UQCRC2: variants seen among roughly 807,000 people sequenced by gnomAD.
The protein encoded by UQCRC2 is ubiquinol-cytochrome c reductase core protein 2.
In UQCRC2, 49 loss-of-function variants were observed where a neutral mutation model predicts 55.6. The ratio of observed to expected loss-of-function variants is 0.88; its 90% CI spans 0.70 to 1.12. The LOEUF is 1.12. Ranked by LOEUF, UQCRC2 falls within the 50% of genes most tolerant of loss-of-function variation. The pLI is 0.00. For missense variants in UQCRC2, 506 were observed against 547.8 expected (o/e 0.92, Z 0.76); for synonymous variants, 193 against 192.0 (o/e 1.01, Z -0.04).
intron 7 of UQCRC2, among the ~76,000 whole-genome samples, chr16:21,967,511 A>G (rs1192281165): frequency 2.0e-5 from 3 of 151,972 alleles, no homozygotes; most frequent in Non-Finnish European, 4.4e-5. Context: ...TTGAAAGTAC[A>G]TGTTTTAGCC....
rs1368644442 is a variant in UQCRC2, at chr16:21,983,464, C to G, written c.*293C>G. 2.6e-6 allele frequency: 1 copy of G among 385,390 alleles called. No individual in the cohort carries two copies. The highest frequency in any genetic ancestry group is 2.1e-5 in the African/African-American group (1 of 48,276). 23.9% of individuals were successfully genotyped at this position (385,390 alleles called of 1,614,324 possible). On this transcript the variant is annotated 3_prime_UTR_variant, in exon 14 of 14. Coordinates refer to ENST00000268379, the MANE Select transcript of UQCRC2 (RefSeq NM_003366.4). Reference sequence around the variant, plus strand: ...ATATAATTATTGAGTATAGAAGCATCAGAAACTATTAAAATTAAGGCTAAG... The same window carrying G: ...ATATAATTATTGAGTATAGAAGCATGAGAAACTATTAAAATTAAGGCTAAG...
At position 21,958,582 on chromosome 16, in the gene UQCRC2, A is replaced by T. The variant is rs143080682; in HGVS notation, c.315A>T (p.Ala105=). 1.3e-3 allele frequency: 2,155 copies of T among 1,612,294 alleles called. 28 individuals are homozygous for T. Among genetic ancestry groups the T allele is most frequent in the Non-Finnish European group, 2.1e-4 (251 of 1,179,540 alleles). Residue 105 remains alanine, a synonymous_variant, in exon 4 of 14, where the codon GCA becomes GCT. Transcript: ENST00000268379. The part of the protein sequence containing the change: ...SSFKITRGIE[A]VGGKLSVTAT... ...TCAAGATAACCCGTGGAATTGAAGC[A>T]GTTGGTGGCAAATTAAGGTTTGTTA...
intron 12 of UQCRC2, 76 bp downstream of exon 12, chr16:21,976,319 A>G: frequency 7.9e-7 from 1 of 1,266,214 alleles, no homozygotes; most frequent in Non-Finnish European, 1.1e-6. Flanking sequence ...TAACAATATT[A>G]CAATCTATGC....
intron 12 of UQCRC2, among the ~76,000 whole-genome samples, chr16:21,978,302 A>T (rs1048160514): frequency 1.3e-5 from 2 of 152,210 alleles, no homozygotes; most frequent in Admixed American, 6.5e-5. Context: ...TGCAGCATTA[A>T]ATTGTAATTA....
In UQCRC2 at chr16:21,983,209, T is replaced by C. The variant is rs761779930; in HGVS notation, c.*38T>C. 3.2e-6 allele frequency: 5 copies of C among 1,580,736 alleles called. No homozygotes were observed. Among genetic ancestry groups the C allele is most frequent in the Middle Eastern group, 1.7e-4 (1 of 5,988 alleles). Reference sequence around the variant, plus strand: ...CATTACAGGAGAGAGCTGAACGTTCTCTCAGCCCAGAGCAGCAAACACATG... The same window carrying C: ...CATTACAGGAGAGAGCTGAACGTTCCCTCAGCCCAGAGCAGCAAACACATG... On this transcript the variant is annotated 3_prime_UTR_variant, in exon 14 of 14. Coordinates refer to ENST00000268379, the MANE Select transcript of UQCRC2 (RefSeq NM_003366.4).
chr16:21,957,126 C>A, intron 1 of UQCRC2, 109 bp from the exon 2 acceptor site: 1 of 990,838 alleles, frequency 1.0e-6, no homozygotes, highest in Non-Finnish European at 1.5e-6. Flanking sequence ...GTTATTGCTC[C>A]TTCCACCCCC....
Position 21,980,531 on chromosome 16 carries a change from G to A in UQCRC2, c.1125-16G>A. On this transcript the variant is annotated splice_polypyrimidine_tract_variant and intron_variant, in intron 12 of 13. Transcript: ENST00000268379. ...GCCTTGCTCTCTAAAACTGACTTCTGCCTTTTATTGGACAGGAACAAGCTG... is the reference window on the plus strand; with the variant it reads ...GCCTTGCTCTCTAAAACTGACTTCTACCTTTTATTGGACAGGAACAAGCTG... 1 of 1,608,122 alleles carries A rather than the reference G, an allele frequency of 6.2e-7. No individual in the cohort carries two copies. Among genetic ancestry groups the A allele is most frequent in the Non-Finnish European group, 8.5e-7 (1 of 1,178,094 alleles).
rs766327949 is a variant in UQCRC2, at chr16:21,976,255, T to C, written c.1124+12T>C. 2 of 1,600,996 alleles carry C rather than the reference T, an allele frequency of 1.2e-6. No individual in the cohort carries two copies. Among genetic ancestry groups the C allele is most frequent in the Non-Finnish European group, 1.7e-6 (2 of 1,168,304 alleles). On this transcript the variant is annotated intron_variant, in intron 12 of 13. Coordinates refer to ENST00000268379, the MANE Select transcript of UQCRC2 (RefSeq NM_003366.4). ...GTCCAAGCTGCCAAGTAAGTCTCAG[T>C]ATTAACTGTGTTTTATGTTTTTGTT...
intron 2 of UQCRC2, 29 bp from the exon 3 acceptor site, chr16:21,957,387 CA>C (rs1314597576): frequency 1.5e-5 from 24 of 1,613,774 alleles, no homozygotes; most frequent in African/African-American, 2.7e-5. Context: ...CGAAGACATT[CA>C]TTATATCTCT....
At chr16:21,960,028 G>C (rs1444155003) in intron 4 of UQCRC2, among the ~76,000 whole-genome samples, 1 of 152,184 alleles carries the variant, frequency 6.6e-6, no homozygotes, top group Admixed American at 6.5e-5. Flanking sequence ...CTAGGATTTT[G>C]AGAATGGTAA....
Position 21,953,403 on chromosome 16 carries a change from G to A in UQCRC2, c.-21G>A. The stretch of plus-strand genomic sequence containing the variant: ...TTTCCTTTAATCCGGCAGTGACCGT[G>A]TGTCAGAACAATCTTGAATCATGAA... On this transcript the variant is annotated 5_prime_UTR_variant, in exon 1 of 14. It adds an upstream start codon to the 5' untranslated region. Transcript: ENST00000268379. The A allele has an allele frequency of 6.2e-6, 10 of 1,612,652 alleles. No individual in the cohort carries two copies. The highest frequency in any genetic ancestry group is 8.5e-6 in the Non-Finnish European group (10 of 1,179,522).
At chr16:21,953,613 T>C (rs1276456886) in intron 1 of UQCRC2, among the ~76,000 whole-genome samples, 157 bp downstream of exon 1, 1 of 152,142 alleles carries the variant, frequency 6.6e-6, no homozygotes, top group Non-Finnish European at 1.5e-5. Context: ...TGGGTCAGGC[T>C]TTGGAGGCCC....
chr16:21,958,805 A>G (rs1898136499), intron 4 of UQCRC2, among the ~76,000 whole-genome samples: 1 of 152,208 alleles, frequency 6.6e-6, no homozygotes, highest in Non-Finnish European at 1.5e-5. Context: ...GATATCTGCA[A>G]TATATAGGCA....
rs141608385 is a variant in UQCRC2 at position 21,962,563 on chromosome 16, A to C, written c.389+47A>C. 3,373 of 1,612,564 alleles carry C rather than the reference A, an allele frequency of 2.1e-3. 9 individuals are homozygous for C. The highest frequency in any genetic ancestry group is 2.7e-3 in the Non-Finnish European group (3,180 of 1,178,676). On this transcript the variant is annotated intron_variant, in intron 5 of 13. Coordinates refer to ENST00000268379, the MANE Select transcript of UQCRC2 (RefSeq NM_003366.4). The stretch of plus-strand genomic sequence containing the variant: ...GGACTTCTGCTTTGAAAGAAATACT[A>C]AGCTGCTCACTTCTGGTCTTTGTAA...
In UQCRC2 at chr16:21,983,149, C is replaced by T. The variant is rs1898776968; in HGVS notation, c.1340C>T (p.Thr447Ile). 1 of 1,614,056 alleles carries T rather than the reference C, an allele frequency of 6.2e-7. No individual in the cohort carries two copies. The highest frequency in any genetic ancestry group is 8.5e-7 in the Non-Finnish European group (1 of 1,180,000). Residue 447 changes from threonine (T) to isoleucine (I), a missense_variant, in exon 14 of 14, where the codon ACA becomes ATA. By Grantham distance (89) the Thr-to-Ile change is moderately conservative. Coordinates refer to ENST00000268379, the MANE Select transcript of UQCRC2 (RefSeq NM_003366.4). ...SMAASGNLGHTPFVDEL is the reference protein window; with the variant it reads ...SMAASGNLGHIPFVDEL ...GCAGCAAGTGGAAATTTGGGACATA[C>T]ACCTTTTGTTGATGAGTTGTAATAC... is the stretch of plus-strand genomic sequence containing the variant.
chr16:21,977,496 T>C (rs192071308), intron 12 of UQCRC2, among the ~76,000 whole-genome samples: 289 of 152,294 alleles, frequency 1.9e-3, no homozygotes, highest in Non-Finnish European at 3.0e-3. Flanking sequence ...GATCTGATTT[T>C]GTTTTGTTTT....
intron 4 of UQCRC2, among the ~76,000 whole-genome samples, 188 bp downstream of exon 4, chr16:21,958,787 TGGGAGTAGATATCTGCAATATATA>T (rs1182882144): frequency 6.6e-6 from 1 of 152,164 alleles, no homozygotes; most frequent in Non-Finnish European, 1.5e-5. Context: ...AGTAACTGTC[TGGGAGTAGATATCTGCAATATATA>T]GGCATACCTC....
chr16:21,953,394 A>C lies in UQCRC2; in HGVS notation c.-30A>C. ...CCATCTTGCTTTCCTTTAATCCGGC[A>C]GTGACCGTGTGTCAGAACAATCTTG... is the stretch of plus-strand genomic sequence containing the variant. On this transcript the variant is annotated 5_prime_UTR_variant, in exon 1 of 14. Transcript: ENST00000268379. 2 of 1,611,698 alleles carry C rather than the reference A, an allele frequency of 1.2e-6. No individual in the cohort carries two copies. Among genetic ancestry groups the C allele is most frequent in the Non-Finnish European group, 1.7e-6 (2 of 1,179,136 alleles).
chr16:21,976,021 G>T, intron 11 of UQCRC2, 146 bp from the exon 12 acceptor site: 1 of 554,648 alleles, frequency 1.8e-6, no homozygotes, highest in Non-Finnish European at 3.2e-6. Flanking sequence ...GGAACCCATA[G>T]TGATGACAGC....
Sources: gnomAD v4.1 joint callset for allele counts (sites outside exome capture counted in the v4.1 genomes callset) on GRCh38, gnomAD v4.1.1 for gene constraint, MANE v1.5 for transcripts, NCBI Gene and HGNC (gene_info 2026-07-23, HGNC 2026-07-21) for gene names.